GDAP1L1: variants seen among roughly 807,000 people sequenced by gnomAD.
The protein encoded by GDAP1L1 is ganglioside-induced differentiation-associated protein 1-like 1.
A neutral mutation model predicts 37.1 loss-of-function variants in GDAP1L1; 21 were observed. That is an observed-to-expected ratio of 0.57 (90% CI 0.40 to 0.81). The LOEUF (loss-of-function observed/expected upper bound fraction) is 0.81. GDAP1L1 is among the 40% of genes least tolerant of loss of function. GDAP1L1 has a pLI of 0.00. For missense variants in GDAP1L1, 362 were observed against 491.6 expected, an observed-to-expected ratio of 0.74 and a Z score of 2.49; for synonymous variants, 193 against 209.1, an observed-to-expected ratio of 0.92 and a Z score of 0.67.
chr20:44,260,821 G>T (rs1399076020), intron 3 of GDAP1L1, among the ~76,000 whole-genome samples: 1 of 152,186 alleles, frequency 6.6e-6, no homozygotes, highest in East Asian at 1.9e-4. Flanking sequence ...GGGGAGGAGG[G>T]TCTGGCAGAA....
At chr20:44,247,794 TG>T (rs915847917) in intron 1 of GDAP1L1, among the ~76,000 whole-genome samples, 10 of 98,750 alleles carry the variant, frequency 1.0e-4, no homozygotes, top group South Asian at 3.0e-4. Flanking sequence ...CGGGGCGGGT[TG>T]GGGGGGCTGA....
In GDAP1L1 at chr20:44,262,958, C is replaced by T. The variant is rs181962649; in HGVS notation, c.548-272C>T. On this transcript the variant is annotated intron_variant, in intron 3 of 5. Coordinates refer to ENST00000342560, the MANE Select transcript of GDAP1L1 (RefSeq NM_024034.6). ...CTCCTGGGCTCAAGTGATCCTCTCA[C>T]CTCAGCCTCCCAAAGTGTTAGGATT... is the stretch of plus-strand genomic sequence containing the variant. Among the ~76,000 whole-genome samples the T allele has an allele frequency of 3.7e-4, 56 of 152,188 alleles. 1 individual carries two copies. The highest frequency in any genetic ancestry group is 8.5e-4 in the Admixed American group (13 of 15,284).
intron 1 of GDAP1L1, among the ~76,000 whole-genome samples, chr20:44,254,333 G>A (rs144845357): frequency 7.2e-5 from 11 of 152,098 alleles, no homozygotes; most frequent in African/African-American, 2.4e-4. Flanking sequence ...ACGCAGACAC[G>A]CAAACACATT....
Position 44,264,579 on chromosome 20 carries a change from G to A in GDAP1L1, c.760+20G>A, listed in dbSNP as rs1358321428. 1 of 1,607,878 alleles carries A rather than the reference G, an allele frequency of 6.2e-7. No individual in the cohort carries two copies. Among genetic ancestry groups the A allele is most frequent in the African/African-American group, 1.3e-5 (1 of 74,898 alleles). On this transcript the variant is annotated intron_variant, in intron 5 of 5. Transcript: ENST00000342560. ...ACGAGGGTGGGTGCCAGCCCTGGGG[G>A]AGGTGGGGGCTGCAGCCCACCCAGC... is the stretch of plus-strand genomic sequence containing the variant.
At chr20:44,259,489 A>G (rs2073633833) in intron 3 of GDAP1L1, among the ~76,000 whole-genome samples, 1 of 141,888 alleles carries the variant, frequency 7.0e-6, no homozygotes, top group South Asian at 2.4e-4. Flanking sequence ...AACAAGACTC[A>G]GAATTTTTTT....
At chr20:44,264,818 G>T (rs2073736202) in intron 5 of GDAP1L1, 1 of 1,145,692 alleles carries the variant, frequency 8.7e-7, no homozygotes, top group African/African-American at 1.6e-5. Context: ...GCCTCAAAGA[G>T]CTGTTGAGAC....
At chr20:44,257,112 G>A (rs1024349406) in intron 1 of GDAP1L1, 41 bp from the exon 2 acceptor site, 1 of 1,515,774 alleles carries the variant, frequency 6.6e-7, no homozygotes, top group Admixed American at 2.0e-5. Context: ...AGTGTCCCCT[G>A]TGTCCGCCCG....
chr20:44,276,853 G>A (rs1334141497), intron 5 of GDAP1L1, among the ~76,000 whole-genome samples: 4 of 152,178 alleles, frequency 2.6e-5, no homozygotes, highest in Admixed American at 1.3e-4. Flanking sequence ...GCAATGTGGC[G>A]CTGTGTTCTA....
chr20:44,277,381 CA>C (rs1003406615), intron 5 of GDAP1L1, among the ~76,000 whole-genome samples: 58 of 152,288 alleles, frequency 3.8e-4, no homozygotes, highest in African/African-American at 1.3e-3. Context: ...AAGATTGAGG[CA>C]GGGGGAACAG....
chr20:44,257,993 C>G (rs564859428), intron 2 of GDAP1L1, among the ~76,000 whole-genome samples: 1 of 152,194 alleles, frequency 6.6e-6, no homozygotes, highest in African/African-American at 2.4e-5. Context: ...GTCCTCTCCC[C>G]TCGTAGGCCC....
Position 44,258,535 on chromosome 20 carries a change from C to T in GDAP1L1, c.475C>T (p.His159Tyr). 6.3e-7 allele frequency: 1 copy of T among 1,584,666 alleles called. No individual in the cohort carries two copies. Among genetic ancestry groups the T allele is most frequent in the Non-Finnish European group, 8.6e-7 (1 of 1,166,164 alleles). Residue 159 changes from histidine to tyrosine, a missense_variant, in exon 3 of 6, where the codon CAT becomes TAT. Physicochemically the swap from His to Tyr is moderately conservative, Grantham distance 83. This residue lies in a region of GDAP1L1 where 277 missense variants were observed against 337.1 expected (regional missense o/e 0.82). Coordinates refer to ENST00000342560, the MANE Select transcript of GDAP1L1 (RefSeq NM_024034.6). ...CGCACTGCCCATGGATGCCTACACGCATGGCTGCATCCTGCATCCCGAGCT... is the reference window on the plus strand; with the variant it reads ...CGCACTGCCCATGGATGCCTACACGTATGGCTGCATCCTGCATCCCGAGCT... ...LDALPMDAYT[H>Y]GCILHPELTT...
intron 3 of GDAP1L1, 49 bp downstream of exon 3, chr20:44,258,656 C>A: frequency 7.2e-7 from 1 of 1,395,014 alleles, no homozygotes; most frequent in Non-Finnish European, 9.9e-7. Context: ...CCCTTTGCGC[C>A]GCTCCTTTCT....
At chr20:44,263,512 G>A (rs2073710161) in intron 4 of GDAP1L1, among the ~76,000 whole-genome samples, 185 bp downstream of exon 4, 1 of 152,168 alleles carries the variant, frequency 6.6e-6, no homozygotes, top group Non-Finnish European at 1.5e-5. Context: ...TGCTGCCCTC[G>A]GGCCTCAGTT....
At chr20:44,256,672 A>G (rs577151196) in intron 1 of GDAP1L1, among the ~76,000 whole-genome samples, 40 of 144,794 alleles carry the variant, frequency 2.8e-4, no homozygotes, top group African/African-American at 5.5e-4. Context: ...AAAAAAGGGG[A>G]AAAAAAAAAG....
rs2073701937 is a variant in GDAP1L1 at position 44,263,100 on chromosome 20, G to C, written c.548-130G>C. ...CGGCACAGCCTGCAGTGCTCCCTAA[G>C]TGTTGGCTGTCGACAGTATTACTCT... On this transcript the variant is annotated intron_variant, in intron 3 of 5. Transcript: ENST00000342560. 9 of 729,302 alleles carry C rather than the reference G, an allele frequency of 1.2e-5. No homozygotes were observed. The South Asian group carries it at 1.4e-4, about 12-fold the overall frequency. 45.2% of individuals were successfully genotyped at this position (729,302 alleles called of 1,614,324 possible). A position where few individuals can be genotyped will look rare whatever the true frequency, so the allele number is the denominator to read the frequency against.
intron 1 of GDAP1L1, among the ~76,000 whole-genome samples, chr20:44,256,391 C>G (rs188444510): frequency 1.3e-5 from 2 of 152,228 alleles, no homozygotes; most frequent in Admixed American, 6.5e-5. Context: ...AGTTTCTGAC[C>G]AGGCACGGTG....
At chr20:44,252,778 G>A in intron 1 of GDAP1L1, among the ~76,000 whole-genome samples, 1 of 150,198 alleles carries the variant, frequency 6.7e-6, no homozygotes, top group Non-Finnish European at 1.5e-5. Context: ...AGCTGAGATT[G>A]CACCATTGAA....
At chr20:44,256,886 A>G (rs1014784809) in intron 1 of GDAP1L1, among the ~76,000 whole-genome samples, 2 of 152,190 alleles carry the variant, frequency 1.3e-5, no homozygotes. Flanking sequence ...ATCCTATCCC[A>G]GATGTGTCCA....
At chr20:44,254,998 C>T (rs1007623381) in intron 1 of GDAP1L1, among the ~76,000 whole-genome samples, 2 of 152,242 alleles carry the variant, frequency 1.3e-5, no homozygotes, top group South Asian at 4.1e-4. Context: ...CCTCACTTCA[C>T]GGAAGCTAGA....
Sources: gnomAD v4.1 joint callset for allele counts (sites outside exome capture counted in the v4.1 genomes callset) on GRCh38, gnomAD v4.1.1 for gene constraint, gnomAD v4.1.1 regional missense constraint, MANE v1.5 for transcripts, NCBI Gene and HGNC (gene_info 2026-07-23, HGNC 2026-07-21) for gene names.